GRM8: variants seen among roughly 807,000 people sequenced by gnomAD.
GRM8 encodes the protein glutamate metabotropic receptor 8.
GRM8 carries 47 observed loss-of-function variants against 87.2 expected under a neutral mutation model. That is an observed-to-expected ratio of 0.54 (90% confidence interval 0.43 to 0.69). The LOEUF (loss-of-function observed/expected upper bound fraction) is 0.69, where lower values mean the gene tolerates loss of function less well. GRM8 is among the 30% of genes least tolerant of loss of function. The pLI is 0.00. For synonymous variants in GRM8, 396 were observed against 404.5 expected, an observed-to-expected ratio of 0.98 and a Z score of 0.25; for missense variants, 1,019 against 1,139.2, an observed-to-expected ratio of 0.89 and a Z score of 1.52.
At chr7:126,603,557 T>A (rs1054615302) in intron 8 of GRM8, among the ~76,000 whole-genome samples, 5 of 151,908 alleles carry the variant, frequency 3.3e-5, no homozygotes, top group African/African-American at 1.2e-4. Context: ...ACAAAATCAA[T>A]GTACAAAAAT....
chr7:126,481,698 A>G (rs1806695060), intron 9 of GRM8, among the ~76,000 whole-genome samples: 1 of 152,092 alleles, frequency 6.6e-6, no homozygotes. Flanking sequence ...AGGAAGCATG[A>G]CAACTTAAGA....
At chr7:126,969,027 A>G (rs1282981559) in intron 3 of GRM8, among the ~76,000 whole-genome samples, 2 of 152,224 alleles carry the variant, frequency 1.3e-5, no homozygotes, top group Non-Finnish European at 2.9e-5. Context: ...GCTATATTGT[A>G]TTCCACTGAG....
intron 6 of GRM8, among the ~76,000 whole-genome samples, chr7:126,788,689 T>C (rs1391169546): frequency 1.3e-5 from 2 of 151,814 alleles, no homozygotes; most frequent in East Asian, 3.9e-4. Flanking sequence ...AACATACAAT[T>C]AGCAGCAAAC....
intron 7 of GRM8, among the ~76,000 whole-genome samples, chr7:126,620,395 TCTC>T (rs1800000398): frequency 6.6e-6 from 1 of 152,174 alleles, no homozygotes; most frequent in South Asian, 2.1e-4. Context: ...ATGTCACACA[TCTC>T]CTTGAATATT....
At chr7:127,019,447 G>A (rs150242787) in intron 3 of GRM8, among the ~76,000 whole-genome samples, 4 of 152,052 alleles carry the variant, frequency 2.6e-5, no homozygotes, top group Admixed American at 2.6e-4. Flanking sequence ...TAACATGAAA[G>A]AATTATCTTA....
chr7:126,892,397 T>C (rs1563288856), intron 6 of GRM8, among the ~76,000 whole-genome samples: 1 of 152,138 alleles, frequency 6.6e-6, no homozygotes. Context: ...TTTGGTTTTT[T>C]GTTCCTGCAA....
chr7:126,696,696 C>T (rs1307809135), intron 7 of GRM8, among the ~76,000 whole-genome samples: 1 of 151,936 alleles, frequency 6.6e-6, no homozygotes, highest in African/African-American at 2.4e-5. Context: ...GGAGAAGGGA[C>T]GTGGGAAGGA....
At chr7:127,003,064 G>C (rs1021279201) in intron 3 of GRM8, among the ~76,000 whole-genome samples, 1 of 151,604 alleles carries the variant, frequency 6.6e-6, no homozygotes, top group Non-Finnish European at 1.5e-5. Flanking sequence ...CTCTGCCAGG[G>C]ACACTTAACT....
intron 2 of GRM8, among the ~76,000 whole-genome samples, chr7:127,206,990 G>A (rs886004): frequency 0.63 from 96,064 of 152,020 alleles, 31,545 homozygotes; most frequent in African/African-American, 0.78. Flanking sequence ...CATGGCTTGT[G>A]TGACCACAAA....
chr7:126,996,418 CAAAGAA>C (rs1201681754), intron 3 of GRM8, among the ~76,000 whole-genome samples: 1 of 151,572 alleles, frequency 6.6e-6, no homozygotes, highest in Non-Finnish European at 1.5e-5. Flanking sequence ...TACAACAAGA[CAAAGAA>C]AAACAACAGA....
chr7:126,549,254 T>G (rs960141901), intron 8 of GRM8, among the ~76,000 whole-genome samples: 2 of 151,978 alleles, frequency 1.3e-5, no homozygotes, highest in Non-Finnish European at 2.9e-5. Context: ...ATCAAAGATA[T>G]GAGGAAAGAT....
At chr7:126,959,911 C>A (rs1586600056) in intron 3 of GRM8, among the ~76,000 whole-genome samples, 1 of 152,182 alleles carries the variant, frequency 6.6e-6, no homozygotes, top group Admixed American at 6.5e-5. Context: ...TCAGCTTCCT[C>A]ATCTGTAAGA....
In GRM8 at chr7:126,831,983, A is replaced by G. The variant is rs1026149989; in HGVS notation, c.1157-61918T>C. Among the ~76,000 whole-genome samples, 32 of 152,246 alleles carry G rather than the reference A, an allele frequency of 2.1e-4. 1 individual carries two copies. Among genetic ancestry groups the G allele is most frequent in the African/African-American group, 7.7e-4 (32 of 41,552 alleles). ...TTGGTAGAATATATCCTCTATTTTC[A>G]TTTTCAAGTGTGAAAGCCATATCAA... On this transcript the variant is annotated intron_variant, in intron 6 of 10. Transcript: ENST00000339582.
At chr7:127,015,125 GAGAAGGAGAAGGA>G (rs1464386029) in intron 3 of GRM8, among the ~76,000 whole-genome samples, 1 of 133,392 alleles carries the variant, frequency 7.5e-6, no homozygotes, top group African/African-American at 2.8e-5. Context: ...GGAGAAGAAG[GAGAAGGAGAAGGA>G]AGAAGGAAGA....
At chr7:126,958,522 G>A (rs1469139371) in intron 3 of GRM8, among the ~76,000 whole-genome samples, 7 of 152,288 alleles carry the variant, frequency 4.6e-5, no homozygotes, top group East Asian at 1.9e-4. Context: ...CAGCCAGCGC[G>A]CCTGGCTGTG....
chr7:126,788,789 TAA>T (rs71522228), intron 6 of GRM8, among the ~76,000 whole-genome samples: 51 of 141,012 alleles, frequency 3.6e-4, no homozygotes, highest in South Asian at 6.8e-4. Context: ...TCTGGTCAGT[TAA>T]AAAAAAAAAA....
intron 6 of GRM8, among the ~76,000 whole-genome samples, chr7:126,876,464 T>G (rs1272643226): frequency 6.6e-6 from 1 of 152,198 alleles, no homozygotes; most frequent in Non-Finnish European, 1.5e-5. Context: ...ATGAGGAAAC[T>G]GAGAGAATTT....
chr7:126,816,201 C>G (rs1793773895), intron 6 of GRM8, among the ~76,000 whole-genome samples: 1 of 152,030 alleles, frequency 6.6e-6, no homozygotes, highest in South Asian at 2.1e-4. Flanking sequence ...GCCCCACTTC[C>G]AGATGGCTTA....
chr7:126,970,906 A>T (rs1039491310), intron 3 of GRM8, among the ~76,000 whole-genome samples: 11 of 152,130 alleles, frequency 7.2e-5, no homozygotes, highest in Non-Finnish European at 1.3e-4. Flanking sequence ...AGAGAGGGAC[A>T]GAGATGAGGG....
Sources: gnomAD v4.1 joint callset for allele counts (sites outside exome capture counted in the v4.1 genomes callset) on GRCh38, gnomAD v4.1.1 for gene constraint, MANE v1.5 for transcripts, NCBI Gene and HGNC (gene_info 2026-07-23, HGNC 2026-07-21) for gene names.